ITPR1: variants seen among roughly 807,000 people sequenced by gnomAD.
ITPR1 encodes inositol 1,4,5-trisphosphate receptor type 1, also known as inositol 1,4,5-trisphosphate-gated calcium channel ITPR1.
Under a neutral mutation model 318.4 loss-of-function variants are expected in ITPR1, and 96 were observed. The ratio of observed to expected loss-of-function variants is 0.30; its 90% confidence interval spans 0.26 to 0.36. The LOEUF is 0.36. Ranked by LOEUF, ITPR1 falls within the 10% of genes least tolerant of loss-of-function variation. The probability of loss-of-function intolerance (pLI) is 1.00; values close to 1 mark genes in which losing one functional copy is unlikely to be tolerated. For missense variants in ITPR1, 2,440 were observed against 3,460.2 expected, an observed-to-expected ratio of 0.71 and a Z score of 7.40; for synonymous variants, 1,312 against 1,289.9, an observed-to-expected ratio of 1.02 and a Z score of -0.37.
intron 4 of ITPR1, among the ~76,000 whole-genome samples, chr3:4,559,596 T>A (rs1348109338): frequency 6.6e-6 from 1 of 152,224 alleles, no homozygotes; most frequent in Non-Finnish European, 1.5e-5. Flanking sequence ...TTTAGTCTAA[T>A]CAGAGAGGGC....
intron 61 of ITPR1, among the ~76,000 whole-genome samples, chr3:4,844,921 G>A (rs1307270555): frequency 6.6e-6 from 1 of 152,100 alleles, no homozygotes; most frequent in African/African-American, 2.4e-5. Flanking sequence ...ATTGAACCTA[G>A]GTAAATTAGT....
intron 21 of ITPR1, 61 bp from the exon 22 acceptor site, chr3:4,674,141 A>G (rs779736771): frequency 1.4e-6 from 2 of 1,411,768 alleles, no homozygotes; most frequent in Admixed American, 2.4e-5. Flanking sequence ...TGAGTGACCC[A>G]GGAAGACCTC....
chr3:4,791,048 T>C (rs2047522339), intron 52 of ITPR1, among the ~76,000 whole-genome samples: 1 of 152,328 alleles, frequency 6.6e-6, no homozygotes, highest in South Asian at 2.1e-4. Flanking sequence ...CCCATGTGAT[T>C]ATCCCACTCG....
At chr3:4,671,186 A>G (rs1355541627) in intron 20 of ITPR1, among the ~76,000 whole-genome samples, 1 of 152,162 alleles carries the variant, frequency 6.6e-6, no homozygotes, top group African/African-American at 2.4e-5. Context: ...AGCATGGCCC[A>G]TAGATATGGT....
intron 3 of ITPR1, 80 bp from the exon 4 acceptor site, chr3:4,520,944 C>G (rs2082517042): frequency 9.5e-7 from 1 of 1,055,910 alleles, no homozygotes; most frequent in South Asian, 1.3e-5. Context: ...AGGAAAAGCC[C>G]TGGGATATCT....
rs2046420513 is a variant in ITPR1 at position 4,775,337 on chromosome 3, C to G, written c.6075C>G (p.Gly2025=). 2 of 1,612,936 alleles carry G rather than the reference C, an allele frequency of 1.2e-6. No homozygotes were observed. The highest frequency in any genetic ancestry group is 1.7e-6 in the Non-Finnish European group (2 of 1,178,872). ...GTATTTGTGGAAGCACAACTGGAGG[C>G]CTTGGTCTTCTGGGCTTGTATATAA... ...LDCICGSTTG[G]LGLLGLYINE... Residue 2025 remains glycine, a synonymous_variant, in exon 47 of 62, where the codon GGC becomes GGG. Coordinates refer to ENST00000649015, the MANE Select transcript of ITPR1 (RefSeq NM_001378452.1).
At chr3:4,626,617 A>G (rs748189186) in intron 4 of ITPR1, among the ~76,000 whole-genome samples, 3 of 152,188 alleles carry the variant, frequency 2.0e-5, no homozygotes, top group Non-Finnish European at 2.9e-5. Context: ...TGTTGGTTAT[A>G]CCACATAAGA....
chr3:4,721,525 G>A (rs947045046), intron 40 of ITPR1, among the ~76,000 whole-genome samples: 7 of 146,236 alleles, frequency 4.8e-5, no homozygotes, highest in African/African-American at 9.9e-5. Flanking sequence ...ATGCAGGATC[G>A]GGCCCAGCAA....
At chr3:4,806,307 C>G in intron 55 of ITPR1, 40 bp downstream of exon 55, 1 of 1,573,800 alleles carries the variant, frequency 6.4e-7, no homozygotes, top group East Asian at 2.2e-5. Context: ...TGTGGGGAAA[C>G]TAGGAGAGTG....
intron 4 of ITPR1, among the ~76,000 whole-genome samples, chr3:4,545,139 C>T (rs2084845419): frequency 6.6e-6 from 1 of 152,118 alleles, no homozygotes; most frequent in African/African-American, 2.4e-5. Flanking sequence ...GAATCAAGAA[C>T]AATTTGGTTA....
In ITPR1 at chr3:4,562,716, G is replaced by C. The variant is rs1045607144; in HGVS notation, c.163+41622G>C. ...CTAAAAATGACTCACCTTTGAAGGT[G>C]GTACGCATTCATTAAAAAAAAAAAA... On this transcript the variant is annotated intron_variant, in intron 4 of 61. Coordinates refer to ENST00000649015, the MANE Select transcript of ITPR1 (RefSeq NM_001378452.1). Among the ~76,000 whole-genome samples, 12 of 124,646 alleles carry C rather than the reference G, an allele frequency of 9.6e-5. No homozygotes were observed. In the South Asian group the frequency reaches 1.6e-3, roughly 17 times the overall value. The allele number at this position is 124,646 out of a possible 152,430, so 81.8% of individuals were successfully genotyped here.
At chr3:4,772,776 G>A (rs150477199) in intron 46 of ITPR1, among the ~76,000 whole-genome samples, 5 of 152,218 alleles carry the variant, frequency 3.3e-5, no homozygotes, top group Admixed American at 1.3e-4. Context: ...CCTGTGCCTC[G>A]TAGTGAGTGG....
At chr3:4,503,298 C>G (rs955721896) in intron 2 of ITPR1, among the ~76,000 whole-genome samples, 14 of 152,186 alleles carry the variant, frequency 9.2e-5, no homozygotes, top group African/African-American at 3.4e-4. Context: ...TGGTATTGCC[C>G]TGGTGAGCCA....
At chr3:4,795,225 C>T (rs762101640) in intron 53 of ITPR1, 38 bp downstream of exon 53, 9 of 1,599,048 alleles carry the variant, frequency 5.6e-6, no homozygotes, top group Non-Finnish European at 5.1e-6. Flanking sequence ...CTATTAGAAG[C>T]AGCAGGAAGG....
At chr3:4,661,339 T>C (rs1281646277) in intron 14 of ITPR1, among the ~76,000 whole-genome samples, 3 of 152,240 alleles carry the variant, frequency 2.0e-5, no homozygotes, top group Non-Finnish European at 4.4e-5. Flanking sequence ...AGCAATTTTC[T>C]GGATTTCAAC....
Position 4,590,930 on chromosome 3 carries a change from A to G in ITPR1, c.164-36833A>G, listed in dbSNP as rs191654536. ...TGGTGTCTGTTGTTTCCTTGTGTTC[A>G]TAAGTTCTTATCATTTAGCTCCCAC... On this transcript the variant is annotated intron_variant, in intron 4 of 61. Coordinates refer to ENST00000649015, the MANE Select transcript of ITPR1 (RefSeq NM_001378452.1). 7.8e-4 allele frequency among the ~76,000 whole-genome samples: 118 copies of G among 152,138 alleles called. 1 individual carries two copies. The highest frequency in any genetic ancestry group is 2.6e-3 in the African/African-American group (106 of 41,490).
chr3:4,540,953 T>C (rs1041456879), intron 4 of ITPR1, among the ~76,000 whole-genome samples: 3 of 140,694 alleles, frequency 2.1e-5, no homozygotes, highest in African/African-American at 9.1e-5. Flanking sequence ...GGATATACTT[T>C]ATATGTGTTT....
intron 2 of ITPR1, among the ~76,000 whole-genome samples, chr3:4,497,946 A>G (rs1247683556): frequency 6.6e-6 from 1 of 152,254 alleles, no homozygotes; most frequent in Non-Finnish European, 1.5e-5. Flanking sequence ...AGCCAGAAAT[A>G]AAAGGACACA....
intron 39 of ITPR1, 27 bp downstream of exon 39, chr3:4,711,895 AC>A: frequency 8.1e-7 from 1 of 1,233,972 alleles, no homozygotes; most frequent in Non-Finnish European, 1.1e-6. Context: ...TCATGGTCAA[AC>A]CAGGTTTTAC....
Sources: gnomAD v4.1 joint callset for allele counts (sites outside exome capture counted in the v4.1 genomes callset) on GRCh38, gnomAD v4.1.1 for gene constraint, MANE v1.5 for transcripts, NCBI Gene and HGNC (gene_info 2026-07-23, HGNC 2026-07-21) for gene names.